The following RPRD2 variants were observed in gnomAD, a reference collection of about 807,000 sequenced individuals.
RPRD2 encodes regulation of nuclear pre-mRNA domain-containing protein 2.
In RPRD2, 12 loss-of-function variants were observed where a neutral mutation model predicts 104.4. That is an observed-to-expected ratio of 0.11 (90% CI 0.07 to 0.19). The LOEUF is 0.19. Ranked by LOEUF, RPRD2 falls within the 10% of genes least tolerant of loss-of-function variation. RPRD2 has a pLI of 1.00. For synonymous variants in RPRD2, 714 were observed against 684.9 expected (o/e 1.04, Z -0.66); for missense variants, 1,543 against 1,790.1 (o/e 0.86, Z 2.49).
Position 150,408,444 on chromosome 1 carries a change from G to A in RPRD2, c.206-9152G>A, listed in dbSNP as rs587629912. Among the ~76,000 whole-genome samples the A allele has an allele frequency of 9.2e-5, 14 of 152,106 alleles. No individual in the cohort carries two copies. The South Asian group carries it at 1.9e-3, about 20-fold the overall frequency. ...GCTGGGATTATAGGCATGAGCCACC[G>A]CGCCTGGCCCGCCTATACATTTAAA... On this transcript the variant is annotated intron_variant, in intron 1 of 10. Coordinates refer to ENST00000369068, the MANE Select transcript of RPRD2 (RefSeq NM_015203.5).
At chr1:150,422,533 G>A (rs1664842975) in intron 2 of RPRD2, among the ~76,000 whole-genome samples, 1 of 151,996 alleles carries the variant, frequency 6.6e-6, no homozygotes, top group South Asian at 2.1e-4. Flanking sequence ...AGTAGGTTGA[G>A]TGTGAGAAAA....
chr1:150,417,478 A>G, intron 1 of RPRD2, 118 bp from the exon 2 acceptor site: 2 of 719,754 alleles, frequency 2.8e-6, no homozygotes, highest in South Asian at 3.1e-5. Context: ...ATCTTTTTAT[A>G]TCCATGTAAG....
Position 150,473,043 on chromosome 1 carries a change from A to G in RPRD2, c.4095A>G (p.Val1365=). The G allele has an allele frequency of 1.2e-6, 2 of 1,614,012 alleles. No individual in the cohort carries two copies. Among genetic ancestry groups the G allele is most frequent in the Non-Finnish European group, 1.7e-6 (2 of 1,179,896 alleles). ...RDLNGPGLSR[V]RESLTLPSHS... ...TCAACGGCCCTGGCCTTAGCCGTGTACGAGAGAGCCTCACCCTACCCTCCC... is the reference window on the plus strand; with the variant it reads ...TCAACGGCCCTGGCCTTAGCCGTGTGCGAGAGAGCCTCACCCTACCCTCCC... Residue 1365 remains valine, a synonymous_variant, in exon 11 of 11, where the codon GTA becomes GTG. Coordinates refer to ENST00000369068, the MANE Select transcript of RPRD2 (RefSeq NM_015203.5).
In RPRD2 at chr1:150,475,957, G is replaced by A. The variant is rs912043377; in HGVS notation, c.*2623G>A. 5.9e-5 allele frequency: 9 copies of A among 152,074 alleles called. No homozygotes were observed. Among genetic ancestry groups the A allele is most frequent in the African/African-American group, 1.9e-4 (8 of 41,454 alleles). 9.4% of individuals were successfully genotyped at this position (152,074 alleles called of 1,614,324 possible). On this transcript the variant is annotated 3_prime_UTR_variant, in exon 11 of 11. Transcript: ENST00000369068. Reference sequence around the variant, plus strand: ...AATGTGAGAAGTTGTAAGGTCCTTGGTACTCACTGTAAAATCACAGACAGA... The same window carrying A: ...AATGTGAGAAGTTGTAAGGTCCTTGATACTCACTGTAAAATCACAGACAGA...
At position 150,464,714 on chromosome 1, in the gene RPRD2, C is replaced by T. The variant is rs782329322; in HGVS notation, c.1599C>T (p.Ala533=). The change falls in exon 10 of 11, where the codon GCC becomes GCT. Residue 533 remains alanine, a synonymous_variant. Coordinates refer to ENST00000369068, the MANE Select transcript of RPRD2 (RefSeq NM_015203.5). ...TTTCCAAAACCCAGACACAGTCAGC[C>T]CCTGCACTGCAAGGTAACTGACATA... is the stretch of plus-strand genomic sequence containing the variant. ...SALSKTQTQS[A]PALQGLSSLL... 1 of 1,612,094 alleles carries T rather than the reference C, an allele frequency of 6.2e-7. No homozygotes were observed. Among genetic ancestry groups the T allele is most frequent in the Non-Finnish European group, 8.5e-7 (1 of 1,178,940 alleles).
Position 150,473,149 on chromosome 1 carries a change from C to T in RPRD2, c.4201C>T (p.Pro1401Ser). Residue 1401 changes from proline (P) to serine (S), a missense_variant, in exon 11 of 11, where the codon CCC becomes TCC. By Grantham distance (74) the Pro-to-Ser change is moderately conservative. Coordinates refer to ENST00000369068, the MANE Select transcript of RPRD2 (RefSeq NM_015203.5). ...SNSSSGPPLG[P>S]SHRDTISRSG... ...CAGCAGCAGTGGCCCCCCCTTGGGTCCCTCACACAGAGACACCATCAGCCG... is the reference window on the plus strand; with the variant it reads ...CAGCAGCAGTGGCCCCCCCTTGGGTTCCTCACACAGAGACACCATCAGCCG... 2.5e-6 allele frequency: 4 copies of T among 1,613,880 alleles called. 1 individual carries two copies. Among genetic ancestry groups the T allele is most frequent in the African/African-American group, 2.7e-5 (2 of 75,052 alleles).
chr1:150,422,771 T>A (rs1409001110), intron 2 of RPRD2, among the ~76,000 whole-genome samples: 2 of 152,206 alleles, frequency 1.3e-5, no homozygotes, highest in African/African-American at 4.8e-5. Flanking sequence ...CATGGGCAAC[T>A]TATTAGGGAC....
rs375980931 is a variant in RPRD2 at position 150,473,292 on chromosome 1, G to A, written c.4344G>A (p.Pro1448=). ...RPRPPFARGP[P]FFAPKRPFFP... ...GGCCACCTTTTGCTAGGGGCCCTCC[G>A]TTCTTTGCACCAAAACGCCCATTCT... The change falls in exon 11 of 11, where the codon CCG becomes CCA. Residue 1448 remains proline (P), a synonymous_variant. Transcript: ENST00000369068. 76 of 1,613,110 alleles carry A rather than the reference G, an allele frequency of 4.7e-5. No homozygotes were observed. The highest frequency in any genetic ancestry group is 1.7e-4 in the Middle Eastern group (1 of 5,972).
intron 1 of RPRD2, among the ~76,000 whole-genome samples, chr1:150,376,112 G>A (rs1326930784): frequency 6.6e-6 from 1 of 152,170 alleles, no homozygotes; most frequent in Non-Finnish European, 1.5e-5. Flanking sequence ...TTTTAAAAAT[G>A]CTTCATTCTT....
intron 1 of RPRD2, among the ~76,000 whole-genome samples, chr1:150,381,805 C>G (rs2102133939): frequency 6.6e-6 from 1 of 152,096 alleles, no homozygotes; most frequent in Non-Finnish European, 1.5e-5. Flanking sequence ...CGCCCGGCCA[C>G]AGGACACAAT....
At chr1:150,447,179 C>G (rs1419607372) in intron 7 of RPRD2, among the ~76,000 whole-genome samples, 4 of 151,684 alleles carry the variant, frequency 2.6e-5, no homozygotes, top group African/African-American at 9.7e-5. Flanking sequence ...CCATATTGGT[C>G]AGGCTGGTCT....
rs146322016 is a variant in RPRD2, at chr1:150,400,765, G to C, written c.206-16831G>C. On this transcript the variant is annotated intron_variant, in intron 1 of 10. Coordinates refer to ENST00000369068, the MANE Select transcript of RPRD2 (RefSeq NM_015203.5). ...TCCACCATTATATATGATGTTAGCT[G>C]TAAGTTTTTAATAAATGTCCTTTGT... is the stretch of plus-strand genomic sequence containing the variant. 1.3e-4 allele frequency among the ~76,000 whole-genome samples: 20 copies of C among 152,136 alleles called. No homozygotes were observed. The East Asian group carries it at 2.5e-3, about 19-fold the overall frequency.
intron 1 of RPRD2, among the ~76,000 whole-genome samples, chr1:150,413,539 G>T (rs1347092818): frequency 6.6e-6 from 1 of 152,034 alleles, no homozygotes; most frequent in Non-Finnish European, 1.5e-5. Flanking sequence ...GGAGGCAGAG[G>T]TTGCGGTAAG....
intron 1 of RPRD2, 42 bp downstream of exon 1, chr1:150,364,961 TGGAA>T (rs1473729520): frequency 6.3e-7 from 1 of 1,597,952 alleles, no homozygotes; most frequent in South Asian, 1.1e-5. Flanking sequence ...ACTGGGGAAA[TGGAA>T]GGAAGTGTGG....
intron 2 of RPRD2, among the ~76,000 whole-genome samples, chr1:150,432,813 A>G (rs1236183948): frequency 2.6e-5 from 4 of 151,956 alleles, no homozygotes; most frequent in Non-Finnish European, 5.9e-5. Flanking sequence ...TTCCGTCTCT[A>G]AAAAAACATG....
At chr1:150,376,839 G>A (rs1660735162) in intron 1 of RPRD2, among the ~76,000 whole-genome samples, 1 of 151,590 alleles carries the variant, frequency 6.6e-6, no homozygotes, top group South Asian at 2.1e-4. Flanking sequence ...TGTCTAGGAG[G>A]CAGTATTACT....
chr1:150,368,503 A>C (rs2102070586), intron 1 of RPRD2, among the ~76,000 whole-genome samples: 1 of 124,466 alleles, frequency 8.0e-6, no homozygotes, highest in Non-Finnish European at 1.6e-5. Context: ...CACTCTTTTC[A>C]CCCATGCTGG....
chr1:150,392,272 A>G (rs1553883311), intron 1 of RPRD2, among the ~76,000 whole-genome samples: 1 of 152,134 alleles, frequency 6.6e-6, no homozygotes, highest in Admixed American at 6.6e-5. Context: ...TTGGGAGGCC[A>G]AGATGGGTGG....
chr1:150,371,939 C>G (rs1184476735), intron 1 of RPRD2, among the ~76,000 whole-genome samples: 1 of 151,902 alleles, frequency 6.6e-6, no homozygotes, highest in African/African-American at 2.4e-5. Context: ...TGTGGCATAA[C>G]TATCTCTTAG....
Sources: gnomAD v4.1 joint callset for allele counts (sites outside exome capture counted in the v4.1 genomes callset) on GRCh38, gnomAD v4.1.1 for gene constraint, MANE v1.5 for transcripts, NCBI Gene and HGNC (gene_info 2026-07-23, HGNC 2026-07-21) for gene names.